The following PTPRO variants were observed in gnomAD, a reference collection of about 807,000 sequenced individuals.
PTPRO encodes receptor-type tyrosine-protein phosphatase O.
PTPRO carries 62 observed loss-of-function variants against 145.2 expected under a neutral mutation model. The observed-to-expected ratio is 0.43, with a 90% CI of 0.35 to 0.53. PTPRO has a LOEUF of 0.53. Among genes scored for constraint, PTPRO ranks in the 20% least tolerant of loss-of-function variants. The pLI is 0.01. For synonymous variants in PTPRO, 565 were observed against 514.7 expected, an observed-to-expected ratio of 1.10 and a Z score of -1.32; for missense variants, 1,345 against 1,482.7, an observed-to-expected ratio of 0.91 and a Z score of 1.53.
chr12:15,429,782 G>A (rs111438219), intron 1 of PTPRO, among the ~76,000 whole-genome samples: 1 of 152,132 alleles, frequency 6.6e-6, no homozygotes, highest in Non-Finnish European at 1.5e-5. Flanking sequence ...AGTGTAAGAG[G>A]AGACTATGCT....
intron 1 of PTPRO, among the ~76,000 whole-genome samples, chr12:15,414,855 T>C (rs1240563235): frequency 6.6e-6 from 1 of 152,068 alleles, no homozygotes; most frequent in Admixed American, 6.6e-5. Context: ...CCTAATAGAG[T>C]CTCTTAGAAA....
chr12:15,424,837 T>G (rs555353314), intron 1 of PTPRO, among the ~76,000 whole-genome samples: 1 of 152,158 alleles, frequency 6.6e-6, no homozygotes, highest in African/African-American at 2.4e-5. Flanking sequence ...GTGGCCCAAG[T>G]GAAAATGGTG....
At chr12:15,357,074 A>G (rs1052440491) in intron 1 of PTPRO, among the ~76,000 whole-genome samples, 2 of 152,248 alleles carry the variant, frequency 1.3e-5, no homozygotes, top group African/African-American at 4.8e-5. Flanking sequence ...GGCTTAGAGC[A>G]GGGTATAAAC....
chr12:15,398,481 C>CAA (rs565625161), intron 1 of PTPRO, among the ~76,000 whole-genome samples: 4 of 114,588 alleles, frequency 3.5e-5, no homozygotes, highest in Non-Finnish European at 7.4e-5. Context: ...ATACTTTTTC[C>CAA]AAAAAAAAAA....
At chr12:15,466,608 T>C (rs1941423041) in intron 1 of PTPRO, among the ~76,000 whole-genome samples, 1 of 152,198 alleles carries the variant, frequency 6.6e-6, no homozygotes, top group South Asian at 2.1e-4. Context: ...GTGTGTAACA[T>C]CTAAACTATG....
chr12:15,523,988 G>A (rs1042360054), intron 10 of PTPRO, among the ~76,000 whole-genome samples: 3 of 151,540 alleles, frequency 2.0e-5, no homozygotes, highest in Non-Finnish European at 4.4e-5. Flanking sequence ...TTGTAGAGAT[G>A]GGGTTTTGCT....
intron 1 of PTPRO, among the ~76,000 whole-genome samples, chr12:15,455,041 T>A (rs2136385712): frequency 1.3e-5 from 2 of 152,178 alleles, no homozygotes; most frequent in East Asian, 3.8e-4. Context: ...CAAGATTGCT[T>A]TGGCTATTCA....
intron 24 of PTPRO, among the ~76,000 whole-genome samples, chr12:15,587,383 C>A (rs1342933918): frequency 2.0e-5 from 3 of 152,146 alleles, no homozygotes; most frequent in African/African-American, 4.8e-5. Context: ...AAAGATCATG[C>A]CCTTAATATG....
At chr12:15,420,293 A>G (rs1429355588) in intron 1 of PTPRO, among the ~76,000 whole-genome samples, 1 of 151,686 alleles carries the variant, frequency 6.6e-6, no homozygotes, top group Non-Finnish European at 1.5e-5. Context: ...TGTCATGAGA[A>G]CTTCCAAATC....
intron 1 of PTPRO, among the ~76,000 whole-genome samples, chr12:15,457,526 GTTAA>G (rs1312321103): frequency 6.6e-6 from 1 of 151,982 alleles, no homozygotes; most frequent in African/African-American, 2.4e-5. Flanking sequence ...TTGCCTTGTT[GTTAA>G]TTGTTTTCTG....
chr12:15,512,351 G>T (rs1286736871), intron 7 of PTPRO, among the ~76,000 whole-genome samples: 1 of 151,574 alleles, frequency 6.6e-6, no homozygotes, highest in Non-Finnish European at 1.5e-5. Context: ...CCAACCTCAG[G>T]TGATCTGCCC....
chr12:15,381,242 G>C (rs572143585), intron 1 of PTPRO, among the ~76,000 whole-genome samples: 1 of 152,094 alleles, frequency 6.6e-6, no homozygotes, highest in East Asian at 1.9e-4. Flanking sequence ...TTCAGTTTTT[G>C]CATTTTCAGT....
intron 1 of PTPRO, among the ~76,000 whole-genome samples, chr12:15,349,359 T>C (rs920469193): frequency 6.6e-6 from 1 of 152,174 alleles, no homozygotes; most frequent in East Asian, 1.9e-4. Flanking sequence ...TGAGGACTTG[T>C]TTGTCCCACA....
chr12:15,594,870 T>C, intron 25 of PTPRO, 67 bp from the exon 26 acceptor site: 2 of 1,105,418 alleles, frequency 1.8e-6, no homozygotes, highest in Admixed American at 1.8e-5. Context: ...ATTAAAATTG[T>C]CATAGTATAA....
intron 1 of PTPRO, among the ~76,000 whole-genome samples, chr12:15,398,400 C>A (rs994769649): frequency 2.6e-5 from 4 of 151,964 alleles, no homozygotes; most frequent in African/African-American, 7.3e-5. Flanking sequence ...TTGTCTTTGA[C>A]CTTCTGAGCG....
intron 24 of PTPRO, among the ~76,000 whole-genome samples, chr12:15,587,602 T>C (rs1944456800): frequency 6.6e-6 from 1 of 152,160 alleles, no homozygotes. Context: ...TGTCAGACAG[T>C]AGAATGAAAA....
At chr12:15,478,691 A>G (rs1643833395) in intron 1 of PTPRO, among the ~76,000 whole-genome samples, 1 of 151,892 alleles carries the variant, frequency 6.6e-6, no homozygotes, top group South Asian at 2.1e-4. Context: ...TTTTTCTTTG[A>G]GACAGAGTCT....
At chr12:15,420,262 C>T (rs1036179063) in intron 1 of PTPRO, among the ~76,000 whole-genome samples, 1 of 151,248 alleles carries the variant, frequency 6.6e-6, no homozygotes, top group Non-Finnish European at 1.5e-5. Context: ...ACTTATGGGG[C>T]AGAGCCCTAA....
intron 2 of PTPRO, among the ~76,000 whole-genome samples, chr12:15,496,104 T>C (rs1197280942): frequency 1.3e-5 from 2 of 151,930 alleles, no homozygotes; most frequent in East Asian, 3.8e-4. Flanking sequence ...CCAACAGCTT[T>C]TAAATTTTAC....
Sources: gnomAD v4.1 joint callset for allele counts (sites outside exome capture counted in the v4.1 genomes callset) on GRCh38, gnomAD v4.1.1 for gene constraint, MANE v1.5 for transcripts, NCBI Gene and HGNC (gene_info 2026-07-23, HGNC 2026-07-21) for gene names.